NBPF20: variants seen among roughly 807,000 people sequenced by gnomAD.
NBPF20 encodes the protein NBPF member 20.
In NBPF20, 90 loss-of-function variants were observed where a neutral mutation model predicts 68.1. That is an observed-to-expected ratio of 1.32 (90% CI 1.11 to 1.58). NBPF20 has a LOEUF of 1.58. Ranked by LOEUF, NBPF20 falls within the 40% of genes most tolerant of loss-of-function variation. The pLI is 0.00. For synonymous variants in NBPF20, 290 were observed against 228.1 expected, an observed-to-expected ratio of 1.27 and a Z score of -2.45; for missense variants, 816 against 601.2, an observed-to-expected ratio of 1.36 and a Z score of -3.74.
the NBPF20 span, among the ~76,000 whole-genome samples, chr1:145,423,445 GA>G: frequency 4.8e-5 from 6 of 126,242 alleles, no homozygotes; most frequent in Non-Finnish European, 6.8e-5. Flanking sequence ...GTCTCAAAAA[GA>G]AAAAAAAAAG....
exon 6 of NBPF20, chr1:145,400,432 T>G: frequency 7.4e-6 from 12 of 1,613,130 alleles, no homozygotes; most frequent in Non-Finnish European, 9.3e-6. Context: ...CATGAGAGGA[T>G]GAGCCAATCA....
intron 7 of NBPF20, among the ~76,000 whole-genome samples, chr1:145,397,239 G>A (rs1662293863): frequency 6.6e-6 from 1 of 151,280 alleles, no homozygotes; most frequent in Non-Finnish European, 1.5e-5. Flanking sequence ...ATGTGTGCAT[G>A]TGTCTTTACA....
chr1:145,425,591 C>G, the NBPF20 span, among the ~76,000 whole-genome samples: 1 of 152,210 alleles, frequency 6.6e-6, no homozygotes, highest in Admixed American at 6.5e-5. Context: ...CTCAGGGTCT[C>G]GCCGGGCGCG....
the NBPF20 span, among the ~76,000 whole-genome samples, chr1:145,417,420 C>T: frequency 7.2e-6 from 1 of 139,174 alleles, no homozygotes; most frequent in African/African-American, 2.7e-5. Flanking sequence ...TTCTTAGATA[C>T]AAAACCAAAA....
upstream of NBPF20, among the ~76,000 whole-genome samples, chr1:145,410,523 C>G (rs1163539561): frequency 1.3e-5 from 2 of 150,500 alleles, 1 homozygote; most frequent in African/African-American, 4.9e-5. Flanking sequence ...CCGTTTTAGC[C>G]GGGATGGTCT....
chr1:145,397,534 TGA>T (rs1256505019), intron 7 of NBPF20, among the ~76,000 whole-genome samples: 3 of 152,288 alleles, frequency 2.0e-5, no homozygotes, highest in Admixed American at 6.5e-5. Flanking sequence ...AAGCAAATGC[TGA>T]GAGATTTTGT....
exon 138 of NBPF20, chr1:145,291,364 G>A (rs150887540): frequency 2.0e-6 from 3 of 1,505,104 alleles, no homozygotes; most frequent in Non-Finnish European, 2.7e-6. Flanking sequence ...TTCAGACTGA[G>A]CACAGGTTGC....
the NBPF20 span, among the ~76,000 whole-genome samples, chr1:145,417,249 C>G: frequency 6.6e-6 from 1 of 151,522 alleles, no homozygotes; most frequent in African/African-American, 2.4e-5. Context: ...GGTGCTAGAA[C>G]AGCTGGACAA....
chr1:145,397,188 T>C (rs1251270492), intron 7 of NBPF20, among the ~76,000 whole-genome samples: 1 of 148,822 alleles, frequency 6.7e-6, no homozygotes, highest in East Asian at 2.0e-4. Context: ...TTTGGCTTGG[T>C]TCCAAGTCTT....
intron 3 of NBPF20, 100 bp from the exon 9 acceptor site, chr1:145,402,481 T>A: frequency 7.6e-7 from 1 of 1,324,334 alleles, no homozygotes; most frequent in South Asian, 1.2e-5. Context: ...CAAGGAGACC[T>A]CGAAGCAGAA....
At chr1:145,414,993 G>T in the NBPF20 span, among the ~76,000 whole-genome samples, 1 of 152,128 alleles carries the variant, frequency 6.6e-6, no homozygotes, top group Non-Finnish European at 1.5e-5. Flanking sequence ...CCAGGGGACC[G>T]GCGTTCAGCA....
chr1:145,405,343 A>G, intron 1 of NBPF20, 36 bp from the exon 7 acceptor site: 1 of 1,485,944 alleles, frequency 6.7e-7, no homozygotes, highest in African/African-American at 1.4e-5. Flanking sequence ...GATGGGTTAA[A>G]AACTGGTGAA....
At position 145,292,648 on chromosome 1, in the gene NBPF20, A is replaced by G. The variant is rs797031489; in HGVS notation, c.16589-159T>C. Among the ~76,000 whole-genome samples the G allele has an allele frequency of 2.0e-5, 3 of 148,394 alleles. 1 individual carries two copies. In the South Asian group the frequency reaches 6.3e-4, roughly 31 times the overall value. ...AGGAGGCCTGAAGGCTGTTCATGAT[A>G]GAACTTCCTCGGTTTTTCTCCCAGA... On this transcript the variant is annotated intron_variant, in intron 136 of 137. Coordinates refer to ENST00000369373, the Ensembl canonical transcript of NBPF20.
chr1:145,377,990 G>A lies in NBPF20; in HGVS notation c.3464+53C>T, dbSNP rs1222298959. ...ACACACTCTTGTTTTCCCTGGACCT[G>A]GCATCTCCAGGTGTCGACACAGAAT... On this transcript the variant is annotated intron_variant, in intron 29 of 137. Coordinates refer to ENST00000369373, the Ensembl canonical transcript of NBPF20. 4,356 of 501,164 alleles carry A rather than the reference G, an allele frequency of 8.7e-3. 444 individuals are homozygous for A. Among genetic ancestry groups the A allele is most frequent in the Non-Finnish European group, 0.012 (3,559 of 289,034 alleles). 31.0% of individuals were successfully genotyped at this position (501,164 alleles called of 1,614,324 possible).
chr1:145,395,656 C>T (rs1662196627), intron 7 of NBPF20, among the ~76,000 whole-genome samples: 1 of 149,460 alleles, frequency 6.7e-6, no homozygotes, highest in African/African-American at 2.6e-5. Context: ...TACACCTCTC[C>T]CTGGATTTAA....
In NBPF20 at chr1:145,405,158, T is replaced by C. The variant is rs1553666806; in HGVS notation, c.115A>G (p.Lys39Glu). ...AGTTGAGTTACAAAACATCTCTCTT[T>C]GAGGTTTCCGAACTGCTGTTTGTTC... The change falls in exon 2 of 138, where the codon AAA becomes GAA. Residue 39 changes from lysine (K) to glutamate (E), a missense_variant. By Grantham distance (56) the Lys-to-Glu change is moderately conservative. Coordinates refer to ENST00000369373, the Ensembl canonical transcript of NBPF20. The C allele has an allele frequency of 3.1e-6, 5 of 1,613,552 alleles. No homozygotes were observed. The African/African-American group carries it at 4.0e-5, about 13-fold the overall frequency.
At chr1:145,425,197 G>C in the NBPF20 span, among the ~76,000 whole-genome samples, 1 of 152,162 alleles carries the variant, frequency 6.6e-6, no homozygotes, top group African/African-American at 2.4e-5. Flanking sequence ...TGGAACTTAA[G>C]CCCCGGCGGG....
chr1:145,291,210 G>C, exon 138 of NBPF20: 4 of 506,264 alleles, frequency 7.9e-6, no homozygotes, highest in East Asian at 3.6e-5. Context: ...TAGAAGCTCA[G>C]AGACATGCCT....
chr1:145,292,080 C>G (rs1553657969), intron 137 of NBPF20, among the ~76,000 whole-genome samples: 1 of 149,374 alleles, frequency 6.7e-6, no homozygotes, highest in East Asian at 1.9e-4. Context: ...TGACACACAG[C>G]AAACTGTGAT....
Sources: allele counts gnomAD v4.1 joint callset (sites outside exome capture counted in the v4.1 genomes callset), GRCh38; gene constraint gnomAD v4.1.1; transcripts MANE v1.5; gene names NCBI Gene and HGNC (gene_info 2026-07-23, HGNC 2026-07-21).